CMIP: variants seen among roughly 807,000 people sequenced by gnomAD.
CMIP encodes the protein C-Maf-inducing protein.
A neutral mutation model predicts 97.3 loss-of-function variants in CMIP; 13 were observed. The observed-to-expected ratio is 0.13, with a 90% CI of 0.09 to 0.21. The LOEUF (loss-of-function observed/expected upper bound fraction) is 0.21, where lower values mean the gene tolerates loss of function less well. Ranked by LOEUF, CMIP falls within the 10% of genes least tolerant of loss-of-function variation. The probability of loss-of-function intolerance (pLI) is 1.00; values close to 1 mark genes in which losing one functional copy is unlikely to be tolerated. For missense variants in CMIP, 847 were observed against 1,024.9 expected (o/e 0.83, Z 2.37); for synonymous variants, 538 against 436.3 (o/e 1.23, Z -2.91).
intron 1 of CMIP, among the ~76,000 whole-genome samples, chr16:81,448,557 C>A (rs574616807): frequency 6.6e-6 from 1 of 152,346 alleles, no homozygotes; most frequent in Non-Finnish European, 1.5e-5. Context: ...CCCGCCTGGC[C>A]TGCCTGTAAA....
At chr16:81,496,827 G>T (rs1289906388) in intron 1 of CMIP, among the ~76,000 whole-genome samples, 1 of 152,260 alleles carries the variant, frequency 6.6e-6, no homozygotes, top group Non-Finnish European at 1.5e-5. Context: ...TACATTCTGT[G>T]AAACTGAATG....
intron 1 of CMIP, among the ~76,000 whole-genome samples, chr16:81,561,923 A>G (rs562686344): frequency 2.6e-5 from 4 of 152,160 alleles, no homozygotes; most frequent in East Asian, 1.9e-4. Flanking sequence ...CCAGGCAAGT[A>G]TGGGAGTTGG....
At chr16:81,451,671 G>A (rs752626962) in intron 1 of CMIP, among the ~76,000 whole-genome samples, 42 of 152,144 alleles carry the variant, frequency 2.8e-4, no homozygotes, top group Non-Finnish European at 4.4e-5. Context: ...CCCCTCAGAG[G>A]GTCTGGCCAC....
intron 1 of CMIP, among the ~76,000 whole-genome samples, chr16:81,526,032 A>T (rs2090127735): frequency 6.6e-6 from 1 of 150,840 alleles, no homozygotes; most frequent in Admixed American, 6.6e-5. Context: ...GTGTTCGTCC[A>T]TTCAGTTTGT....
intron 1 of CMIP, among the ~76,000 whole-genome samples, chr16:81,483,609 C>CTCCCTG (rs2089268140): frequency 6.6e-6 from 1 of 151,942 alleles, no homozygotes; most frequent in Non-Finnish European, 1.5e-5. Flanking sequence ...TCCTCTCCCT[C>CTCCCTG]TCCCTGACCC....
intron 8 of CMIP, 113 bp from the exon 9 acceptor site, chr16:81,671,853 G>A (rs943802680): frequency 1.6e-5 from 9 of 577,238 alleles, no homozygotes; most frequent in African/African-American, 3.7e-5. Flanking sequence ...CCCAAGTGGC[G>A]CTGGCAGAGC....
chr16:81,498,645 CCCA>C (rs1394696615), intron 1 of CMIP, among the ~76,000 whole-genome samples: 2 of 152,200 alleles, frequency 1.3e-5, no homozygotes, highest in Admixed American at 1.3e-4. Context: ...ACTTGCATAC[CCCA>C]CGAGCACACA....
chr16:81,619,538 G>GC (rs2091965439), intron 2 of CMIP: 1 of 152,274 alleles, frequency 6.6e-6, no homozygotes, highest in South Asian at 2.1e-4. Flanking sequence ...AGAGACTCTA[G>GC]CCTTCGTCAG....
chr16:81,605,091 C>A (rs1364733896), intron 1 of CMIP, among the ~76,000 whole-genome samples: 1 of 152,148 alleles, frequency 6.6e-6, no homozygotes, highest in African/African-American at 2.4e-5. Context: ...CAGAACCAAC[C>A]ACCAAGCCCT....
intron 1 of CMIP, among the ~76,000 whole-genome samples, chr16:81,512,154 A>G (rs1252657705): frequency 2.0e-5 from 3 of 152,242 alleles, no homozygotes; most frequent in East Asian, 3.8e-4. Flanking sequence ...AGTTTTAAAC[A>G]TGTGGCTTGC....
intron 1 of CMIP, among the ~76,000 whole-genome samples, chr16:81,528,813 T>G (rs1223689677): frequency 6.6e-6 from 1 of 152,244 alleles, no homozygotes; most frequent in Non-Finnish European, 1.5e-5. Context: ...CCTGCTTTAC[T>G]GCCATCATCA....
At chr16:81,653,991 C>T (rs1241976345) in intron 4 of CMIP, among the ~76,000 whole-genome samples, 1 of 152,178 alleles carries the variant, frequency 6.6e-6, no homozygotes, top group East Asian at 1.9e-4. Context: ...GCCCAACTCA[C>T]GTGGCAAGTT....
chr16:81,549,695 C>G (rs1167591294), intron 1 of CMIP, among the ~76,000 whole-genome samples: 1 of 152,222 alleles, frequency 6.6e-6, no homozygotes, highest in East Asian at 1.9e-4. Flanking sequence ...GCAGCAAGGA[C>G]TGGCCTTTGC....
Position 81,495,459 on chromosome 16 carries a change from C to T in CMIP, c.300+49918C>T, listed in dbSNP as rs558114644. ...GAGGAGGGAAGTTACAGATCTCCGC[C>T]CTGGCGTCCGGGGAAGGATGGGACA... is the stretch of plus-strand genomic sequence containing the variant. On this transcript the variant is annotated intron_variant, in intron 1 of 20. Coordinates refer to ENST00000537098, the MANE Select transcript of CMIP (RefSeq NM_198390.3). The T allele has an allele frequency of 1.6e-3, 2,616 of 1,612,496 alleles. 55 individuals carry two copies. In the South Asian group the frequency reaches 0.027, roughly 16 times the overall value.
chr16:81,615,953 G>C (rs1209606769), intron 2 of CMIP, among the ~76,000 whole-genome samples: 1 of 152,080 alleles, frequency 6.6e-6, no homozygotes, highest in East Asian at 1.9e-4. Context: ...AGTGCAGCCA[G>C]CCTAAACGGG....
chr16:81,693,353 T>A, intron 12 of CMIP, 86 bp from the exon 13 acceptor site: 1 of 1,548,996 alleles, frequency 6.5e-7, no homozygotes, highest in Non-Finnish European at 8.8e-7. Context: ...TGGCCCGTTC[T>A]TCCTTGACAC....
chr16:81,683,090 A>G (rs1295005820), intron 10 of CMIP, among the ~76,000 whole-genome samples: 2 of 152,176 alleles, frequency 1.3e-5, no homozygotes, highest in African/African-American at 4.8e-5. Context: ...TTGTATACCT[A>G]CGCCAGGCCA....
intron 15 of CMIP, 118 bp from the exon 16 acceptor site, chr16:81,701,542 C>A: frequency 1.4e-6 from 2 of 1,404,390 alleles, no homozygotes; most frequent in Non-Finnish European, 2.0e-6. Context: ...ACAGCCGGGG[C>A]TGCAGAAAGG....
intron 1 of CMIP, among the ~76,000 whole-genome samples, chr16:81,533,086 G>T (rs993081853): frequency 9.2e-5 from 14 of 152,050 alleles, no homozygotes; most frequent in African/African-American, 3.4e-4. Flanking sequence ...CATCCAAAAA[G>T]TTGGCACCCA....
Sources: gnomAD v4.1 joint callset for allele counts (sites outside exome capture counted in the v4.1 genomes callset) on GRCh38, gnomAD v4.1.1 for gene constraint, MANE v1.5 for transcripts, NCBI Gene and HGNC (gene_info 2026-07-23, HGNC 2026-07-21) for gene names.